NELL2: variants seen among roughly 807,000 people sequenced by gnomAD.
NELL2 encodes neural EGFL like 2, also known as protein kinase C-binding protein NELL2.
A neutral mutation model predicts 109.6 loss-of-function variants in NELL2; 41 were observed. The observed-to-expected ratio is 0.37, with a 90% confidence interval of 0.29 to 0.49. The LOEUF is 0.49. Ranked by LOEUF, NELL2 falls within the 20% of genes least tolerant of loss-of-function variation. The pLI is 0.98. For synonymous variants in NELL2, 355 were observed against 344.7 expected, an observed-to-expected ratio of 1.03 and a Z score of -0.33; for missense variants, 900 against 1,008.3, an observed-to-expected ratio of 0.89 and a Z score of 1.45.
At chr12:44,665,415 G>C in intron 13 of NELL2, 69 bp downstream of exon 13, 1 of 1,400,000 alleles carries the variant, frequency 7.1e-7, no homozygotes, top group Non-Finnish European at 9.6e-7. Context: ...AAAAATGAGA[G>C]TCAAAGAAAT....
intron 15 of NELL2, among the ~76,000 whole-genome samples, chr12:44,547,385 A>T (rs1942841749): frequency 6.6e-6 from 1 of 152,216 alleles, no homozygotes; most frequent in Non-Finnish European, 1.5e-5. Context: ...TGCTTCGGAA[A>T]ATTCTGAATG....
chr12:44,875,456 T>G lies in NELL2; in HGVS notation c.56-103A>C. 2.5e-6 allele frequency: 4 copies of G among 1,613,866 alleles called. No individual in the cohort carries two copies. In the South Asian group the frequency reaches 4.4e-5, roughly 18 times the overall value. On this transcript the variant is annotated intron_variant, in intron 1 of 19. Coordinates refer to ENST00000429094, the MANE Select transcript of NELL2 (RefSeq NM_001145108.2). ...AAGAACCGCGTTTTCGCGACAATAT[T>G]GGGAACTGAAGATGAGAGGCGACTG...
chr12:44,552,218 T>G (rs1464017703), intron 15 of NELL2, among the ~76,000 whole-genome samples: 2 of 152,226 alleles, frequency 1.3e-5, no homozygotes, highest in African/African-American at 4.8e-5. Context: ...CATAAATTTT[T>G]CTGAAAGATT....
At chr12:44,604,472 T>A (rs1333823907) in intron 15 of NELL2, among the ~76,000 whole-genome samples, 1 of 152,180 alleles carries the variant, frequency 6.6e-6, no homozygotes, top group Non-Finnish European at 1.5e-5. Context: ...CCAACAAATA[T>A]GGACACAGCC....
chr12:44,875,656 G>GAAAA (rs11373833), intron 1 of NELL2, 159 bp downstream of exon 1: 1 of 1,327,294 alleles, frequency 7.5e-7, no homozygotes, highest in South Asian at 1.4e-5. Flanking sequence ...GGCAAGCACA[G>GAAAA]AAAAAAAAAA....
At chr12:44,548,806 T>C (rs1021112076) in intron 15 of NELL2, among the ~76,000 whole-genome samples, 2 of 152,220 alleles carry the variant, frequency 1.3e-5, no homozygotes, top group African/African-American at 2.4e-5. Context: ...ATTTTAAATA[T>C]AATACATAAA....
At chr12:44,721,425 A>T (rs1938765022) in intron 9 of NELL2, among the ~76,000 whole-genome samples, 1 of 152,228 alleles carries the variant, frequency 6.6e-6, no homozygotes, top group African/African-American at 2.4e-5. Context: ...ATGGACACAC[A>T]TGAAGAAAGG....
At chr12:44,874,646 C>T (rs1276784132) in intron 2 of NELL2, among the ~76,000 whole-genome samples, 1 of 152,148 alleles carries the variant, frequency 6.6e-6, no homozygotes, top group Non-Finnish European at 1.5e-5. Flanking sequence ...TTCCAAAATA[C>T]TTTTGAGACC....
upstream of NELL2, chr12:44,913,935 T>G (rs1945806244): frequency 5.1e-6 from 2 of 396,014 alleles, no homozygotes; most frequent in Non-Finnish European, 9.1e-6. Context: ...TTCTGATTGC[T>G]CAGGCCAAAA....
Position 44,671,907 on chromosome 12 carries a change from T to C in NELL2, c.1319-6298A>G, listed in dbSNP as rs755232336. Among the ~76,000 whole-genome samples the C allele has an allele frequency of 2.0e-5, 3 of 152,168 alleles. No individual in the cohort carries two copies. The East Asian group carries it at 5.8e-4, about 29-fold the overall frequency. On this transcript the variant is annotated intron_variant, in intron 12 of 19. Transcript: ENST00000429094. ...AGAGAGGGTCCCATCAACAAGTCCATGTGCACAAAGATATGAACAATTTAC... is the reference window on the plus strand; with the variant it reads ...AGAGAGGGTCCCATCAACAAGTCCACGTGCACAAAGATATGAACAATTTAC...
At chr12:44,529,435 T>C (rs776257310) in intron 16 of NELL2, among the ~76,000 whole-genome samples, 21 of 152,144 alleles carry the variant, frequency 1.4e-4, no homozygotes, top group Non-Finnish European at 2.6e-4. Flanking sequence ...AGCTACCTAG[T>C]AGGCCACTAG....
intron 2 of NELL2, among the ~76,000 whole-genome samples, chr12:44,838,156 C>A (rs1944112698): frequency 6.6e-6 from 1 of 152,050 alleles, no homozygotes; most frequent in South Asian, 2.1e-4. Flanking sequence ...AATTTCAAAT[C>A]CTAGCTGTCT....
chr12:44,816,198 C>A, intron 2 of NELL2, 62 bp from the exon 3 acceptor site: 1 of 1,379,854 alleles, frequency 7.2e-7, no homozygotes, highest in South Asian at 1.5e-5. Flanking sequence ...GTATCTTTTA[C>A]ATGTAACATC....
chr12:44,578,681 A>C (rs971945399), intron 15 of NELL2, among the ~76,000 whole-genome samples: 4 of 151,598 alleles, frequency 2.6e-5, no homozygotes, highest in Non-Finnish European at 5.9e-5. Context: ...AATGTGTGCC[A>C]GGGACTGGGC....
At chr12:44,761,543 A>G (rs1941126003) in intron 9 of NELL2, among the ~76,000 whole-genome samples, 1 of 152,142 alleles carries the variant, frequency 6.6e-6, no homozygotes, top group South Asian at 2.1e-4. Flanking sequence ...ACCTAAATGA[A>G]AAGAAATTAT....
At chr12:44,747,313 G>T (rs562790348) in intron 9 of NELL2, among the ~76,000 whole-genome samples, 3 of 152,134 alleles carry the variant, frequency 2.0e-5, no homozygotes, top group South Asian at 2.1e-4. Context: ...GTGGGGGAAG[G>T]GGGGAGGGAT....
chr12:44,911,894 C>A (rs1945783679), intron 1 of NELL2, among the ~76,000 whole-genome samples: 1 of 151,704 alleles, frequency 6.6e-6, no homozygotes. Flanking sequence ...GGGTGCAGCA[C>A]ATCAACATGG....
intron 1 of NELL2, among the ~76,000 whole-genome samples, chr12:44,899,075 A>C (rs1945628898): frequency 1.3e-5 from 2 of 152,098 alleles, no homozygotes; most frequent in African/African-American, 2.4e-5. Flanking sequence ...ATGAAAAAAA[A>C]ACAAAAAAAA....
At chr12:44,620,075 G>C (rs1245167586) in intron 13 of NELL2, among the ~76,000 whole-genome samples, 1 of 150,888 alleles carries the variant, frequency 6.6e-6, no homozygotes, top group Non-Finnish European at 1.5e-5. Flanking sequence ...ATATAAGAGA[G>C]CCTCTTACCT....
Sources: gnomAD v4.1 joint callset for allele counts (sites outside exome capture counted in the v4.1 genomes callset) on GRCh38, gnomAD v4.1.1 for gene constraint, MANE v1.5 for transcripts, NCBI Gene and HGNC (gene_info 2026-07-23, HGNC 2026-07-21) for gene names.